Variants in KCNH8 observed in about 807,000 individuals in gnomAD.
KCNH8 encodes potassium voltage-gated channel subfamily H member 8.
Under a neutral mutation model 103.6 loss-of-function variants are expected in KCNH8, and 70 were observed. That is an observed-to-expected ratio of 0.68 (90% confidence interval 0.56 to 0.82). The LOEUF (loss-of-function observed/expected upper bound fraction) is 0.82, where lower values mean the gene tolerates loss of function less well. KCNH8 is among the 40% of genes least tolerant of loss of function. KCNH8 has a pLI of 0.00. For missense variants in KCNH8, 1,217 were observed against 1,329.9 expected (o/e 0.92, Z 1.32); for synonymous variants, 498 against 489.4 (o/e 1.02, Z -0.23).
At position 19,395,298 on chromosome 3, in the gene KCNH8, G is replaced by A. The variant is rs776035932; in HGVS notation, c.1164G>A (p.Leu388=). 3 of 1,609,906 alleles carry A rather than the reference G, an allele frequency of 1.9e-6. No homozygotes were observed. Among genetic ancestry groups the A allele is most frequent in the Non-Finnish European group, 2.5e-6 (3 of 1,177,636 alleles). Reference sequence around the variant, plus strand: ...TGGAGAGGGAAGACAACAGCCTTCTGAAGTGGGAAGTTGGTAAGGGCTTAC... The same window carrying A: ...TGGAGAGGGAAGACAACAGCCTTCTAAAGTGGGAAGTTGGTAAGGGCTTAC... ...GKMEREDNSL[L]KWEVGWLHEL... The change falls in exon 7 of 16, where the codon CTG becomes CTA. Residue 388 remains leucine (L), a synonymous_variant. Coordinates refer to ENST00000328405, the MANE Select transcript of KCNH8 (RefSeq NM_144633.3).
At chr3:19,210,256 A>G (rs899298149) in intron 1 of KCNH8, among the ~76,000 whole-genome samples, 1 of 152,084 alleles carries the variant, frequency 6.6e-6, no homozygotes, top group African/African-American at 2.4e-5. Flanking sequence ...CCAGCAGCAC[A>G]AGGCTCTCGA....
At chr3:19,449,045 T>C in intron 8 of KCNH8, 3 of 997,424 alleles carry the variant, frequency 3.0e-6, no homozygotes, top group Non-Finnish European at 4.1e-6. Flanking sequence ...CTTCTCTGAC[T>C]TGATGATACC....
At chr3:19,377,858 T>G (rs2066233240) in intron 5 of KCNH8, among the ~76,000 whole-genome samples, 1 of 152,272 alleles carries the variant, frequency 6.6e-6, no homozygotes, top group East Asian at 1.9e-4. Context: ...AAATGCTAAG[T>G]TAGTGGAAGG....
chr3:19,150,263 A>G (rs1171078941), intron 1 of KCNH8, among the ~76,000 whole-genome samples: 1 of 152,076 alleles, frequency 6.6e-6, no homozygotes, highest in African/African-American at 2.4e-5. Flanking sequence ...ACACAAAATC[A>G]CCACTGCTGT....
chr3:19,506,593 G>A (rs777119698), intron 11 of KCNH8, among the ~76,000 whole-genome samples: 39 of 152,074 alleles, frequency 2.6e-4, no homozygotes, highest in Admixed American at 1.3e-4. Flanking sequence ...TCTCCCACTT[G>A]AGGGCTGGCT....
At chr3:19,428,240 T>C (rs758355187) in intron 7 of KCNH8, among the ~76,000 whole-genome samples, 3 of 152,168 alleles carry the variant, frequency 2.0e-5, no homozygotes, top group Non-Finnish European at 4.4e-5. Flanking sequence ...AGAAAAAAGA[T>C]CATTACAACA....
chr3:19,365,831 G>T (rs138035351), intron 5 of KCNH8, among the ~76,000 whole-genome samples: 1 of 152,068 alleles, frequency 6.6e-6, no homozygotes, highest in Admixed American at 6.6e-5. Context: ...TTTTAAATCA[G>T]TGGCCACGCA....
intron 1 of KCNH8, among the ~76,000 whole-genome samples, chr3:19,249,877 C>T (rs532518445): frequency 1.3e-4 from 20 of 152,180 alleles, no homozygotes; most frequent in African/African-American, 4.1e-4. Flanking sequence ...GAATGATCTA[C>T]AGGTATTTAT....
chr3:19,221,185 TC>T (rs2063870276), intron 1 of KCNH8, among the ~76,000 whole-genome samples: 1 of 152,204 alleles, frequency 6.6e-6, no homozygotes, highest in Non-Finnish European at 1.5e-5. Context: ...TGCAGTAATT[TC>T]CAAGTATAGC....
At chr3:19,180,752 T>TTGATA (rs1288552553) in intron 1 of KCNH8, among the ~76,000 whole-genome samples, 43 of 152,188 alleles carry the variant, frequency 2.8e-4, no homozygotes, top group Non-Finnish European at 1.5e-5. Flanking sequence ...AAAAGACTAT[T>TTGATA]TGATAGGCTA....
intron 3 of KCNH8, among the ~76,000 whole-genome samples, chr3:19,297,050 C>A (rs1258572243): frequency 6.6e-6 from 1 of 151,936 alleles, no homozygotes. Flanking sequence ...TGAAAGCAAA[C>A]ACATTAGAGT....
intron 9 of KCNH8, chr3:19,450,576 G>A (rs1216212821): frequency 4.6e-6 from 2 of 435,072 alleles, no homozygotes; most frequent in Non-Finnish European, 8.4e-6. Context: ...TCTTTTCAAA[G>A]GAATCAATTC....
intron 1 of KCNH8, among the ~76,000 whole-genome samples, chr3:19,212,537 C>G (rs990702632): frequency 2.0e-5 from 3 of 152,118 alleles, no homozygotes; most frequent in African/African-American, 4.8e-5. Flanking sequence ...TTTATAAATC[C>G]TGAAAAGGCC....
chr3:19,198,576 T>A (rs2063625310), intron 1 of KCNH8, among the ~76,000 whole-genome samples: 1 of 152,118 alleles, frequency 6.6e-6, no homozygotes, highest in Non-Finnish European at 1.5e-5. Context: ...TTCAGACTAT[T>A]GTGATTCTGT....
intron 1 of KCNH8, among the ~76,000 whole-genome samples, chr3:19,161,747 C>T (rs1458514599): frequency 1.3e-5 from 2 of 152,134 alleles, no homozygotes; most frequent in African/African-American, 4.8e-5. Context: ...GCAAAGACTG[C>T]TTTCTAAATT....
chr3:19,280,218 T>A (rs1371670275), intron 2 of KCNH8, among the ~76,000 whole-genome samples: 1 of 152,152 alleles, frequency 6.6e-6, no homozygotes, highest in Non-Finnish European at 1.5e-5. Flanking sequence ...TGAATTTGAA[T>A]CTTAATGACA....
intron 4 of KCNH8, among the ~76,000 whole-genome samples, chr3:19,344,107 A>G (rs1559484696): frequency 2.6e-5 from 4 of 151,728 alleles, no homozygotes; most frequent in South Asian, 4.1e-4. Context: ...CACTTGATCT[A>G]TGGATCCTTC....
At chr3:19,288,499 T>G (rs965396953) in intron 3 of KCNH8, among the ~76,000 whole-genome samples, 4 of 151,936 alleles carry the variant, frequency 2.6e-5, no homozygotes, top group Admixed American at 6.6e-5. Context: ...TTTGTCCTTG[T>G]GATAGTTGGC....
intron 11 of KCNH8, among the ~76,000 whole-genome samples, chr3:19,467,331 GCACA>G (rs1288533988): frequency 2.0e-5 from 3 of 149,344 alleles, no homozygotes; most frequent in Non-Finnish European, 4.5e-5. Flanking sequence ...ACACACATGT[GCACA>G]CACACAAATA....
Sources: allele counts gnomAD v4.1 joint callset (sites outside exome capture counted in the v4.1 genomes callset), GRCh38; gene constraint gnomAD v4.1.1; transcripts MANE v1.5; gene names NCBI Gene and HGNC (gene_info 2026-07-23, HGNC 2026-07-21).